CACNA1C: variants seen among roughly 807,000 people sequenced by gnomAD.
The protein encoded by CACNA1C is voltage-dependent L-type calcium channel subunit alpha-1C.
A neutral mutation model predicts 229.0 loss-of-function variants in CACNA1C; 30 were observed. That is an observed-to-expected ratio of 0.13 (90% CI 0.10 to 0.18). CACNA1C has a LOEUF of 0.18. Among genes scored for constraint, CACNA1C ranks in the 10% least tolerant of loss-of-function variants. The pLI is 1.00. For synonymous variants in CACNA1C, 1,114 were observed against 1,132.5 expected, an observed-to-expected ratio of 0.98 and a Z score of 0.33; for missense variants, 1,658 against 2,845.0, an observed-to-expected ratio of 0.58 and a Z score of 9.49.
chr12:2,547,548 T>A (rs1477323606), intron 9 of CACNA1C: 1 of 779,178 alleles, frequency 1.3e-6, no homozygotes, highest in Non-Finnish European at 2.4e-6. Flanking sequence ...GTGCTCTGTG[T>A]GTGTAAATGC....
chr12:2,691,057 G>A lies in CACNA1C; in HGVS notation c.6275G>A (p.Gly2092Asp), dbSNP rs755430543. 3.0e-5 allele frequency: 48 copies of A among 1,607,452 alleles called. No individual in the cohort carries two copies. Among genetic ancestry groups the A allele is most frequent in the Non-Finnish European group, 2.5e-6 (3 of 1,177,268 alleles). Reference protein sequence around the residue: ...LSGGAPQSPNGALLPFVNCRD... With the variant: ...LSGGAPQSPNDALLPFVNCRD... ...GGGGGCGCCCCACAGAGCCCCAATG[G>A]CGCCCTCTTACCCTTTGTGAACTGC... The change falls in exon 47 of 47, where the codon GGC becomes GAC. Residue 2092 changes from glycine (G) to aspartate (D), a missense_variant. Coordinates refer to ENST00000399655, the MANE Select transcript of CACNA1C (RefSeq NM_000719.7).
Position 2,474,032 on chromosome 12 carries a change from G to A in CACNA1C, c.758-12072G>A, listed in dbSNP as rs546290048. Among the ~76,000 whole-genome samples, 185 of 28,740 alleles carry A rather than the reference G, an allele frequency of 6.4e-3. No individual in the cohort carries two copies. The South Asian group carries it at 0.1, about 15-fold the overall frequency. 18.9% of individuals were successfully genotyped at this position (28,740 alleles called of 152,430 possible). On this transcript the variant is annotated intron_variant, in intron 5 of 46. Transcript: ENST00000399655. ...AGAAAGCTGTTGCCTGGGTATAATG[G>A]TATTTGCCAGAAAAAAAATCATTAG...
chr12:2,095,598 A>G (rs78003627), intron 1 of CACNA1C, among the ~76,000 whole-genome samples: 197 of 152,328 alleles, frequency 1.3e-3, no homozygotes, highest in African/African-American at 4.4e-3. Context: ...CAGGCCATCC[A>G]GTGTTTCGCC....
At chr12:2,370,166 T>A (rs1420559778) in intron 3 of CACNA1C, among the ~76,000 whole-genome samples, 1 of 152,164 alleles carries the variant, frequency 6.6e-6, no homozygotes, top group Non-Finnish European at 1.5e-5. Context: ...TAAAAGAAGA[T>A]GCTATTTTTC....
intron 3 of CACNA1C, among the ~76,000 whole-genome samples, chr12:2,368,645 G>A (rs966667027): frequency 1.2e-4 from 19 of 152,240 alleles, no homozygotes; most frequent in East Asian, 3.9e-4. Context: ...AAAGCATGTC[G>A]TATTTCTATA....
At chr12:2,419,795 C>T (rs955651290) in intron 3 of CACNA1C, among the ~76,000 whole-genome samples, 3 of 152,134 alleles carry the variant, frequency 2.0e-5, no homozygotes, top group African/African-American at 7.2e-5. Flanking sequence ...GTGGCCTCTC[C>T]CCCTAAGAGA....
intron 38 of CACNA1C, among the ~76,000 whole-genome samples, chr12:2,672,678 T>C (rs1304105528): frequency 1.3e-5 from 2 of 152,196 alleles, no homozygotes; most frequent in African/African-American, 4.8e-5. Flanking sequence ...CCAGCCACAT[T>C]GGACTTAGGG....
At chr12:2,545,972 G>T (rs1277629747) in intron 9 of CACNA1C, among the ~76,000 whole-genome samples, 3 of 152,230 alleles carry the variant, frequency 2.0e-5, no homozygotes, top group African/African-American at 7.2e-5. Flanking sequence ...TGCAGTGGCT[G>T]GTGTCTTCAC....
rs538713276 is a variant in CACNA1C at position 2,154,693 on chromosome 12, C to T, written c.477+34263C>T. On this transcript the variant is annotated intron_variant, in intron 3 of 46. Transcript: ENST00000399655. ...AATGGGGAGAAACTGAAGCCTAGAA[C>T]GCCCCCCTCTCTGATGACTGCTGCC... 5.3e-4 allele frequency among the ~76,000 whole-genome samples: 81 copies of T among 152,296 alleles called. No individual in the cohort carries two copies. In the South Asian group the frequency reaches 0.013, roughly 25 times the overall value.
chr12:2,495,326 C>T (rs1310796133), intron 7 of CACNA1C, among the ~76,000 whole-genome samples: 1 of 152,228 alleles, frequency 6.6e-6, no homozygotes, highest in East Asian at 1.9e-4. Context: ...CAGTTTCTGC[C>T]TACAGGCCAC....
In CACNA1C at chr12:2,677,025, AAATG is replaced by A. The variant is rs978487064; in HGVS notation, c.4829-62_4829-59del. ...AAAAAGTTTTGGATGCTGAAAAAAA[AAATG>A]AATGAAGTTCAACTGAATTCCCCTG... is the stretch of plus-strand genomic sequence containing the variant. On this transcript the variant is annotated intron_variant, in intron 39 of 46. Transcript: ENST00000399655. This position sits in a 1 kb window ranked among gnomAD's most constrained non-coding sequence, Gnocchi z 7.4. The A allele has an allele frequency of 6.5e-6, 9 of 1,377,730 alleles. No homozygotes were observed. The highest frequency in any genetic ancestry group is 4.3e-5 in the African/African-American group (3 of 69,134). 85.3% of individuals were successfully genotyped at this position (1,377,730 alleles called of 1,614,324 possible).
upstream of CACNA1C, chr12:2,052,935 C>T (rs1476383768): frequency 1.0e-6 from 1 of 968,254 alleles, no homozygotes; most frequent in Non-Finnish European, 1.2e-6. Flanking sequence ...CGGGCGCGGG[C>T]GCGGCGGGGC....
intron 4 of CACNA1C, among the ~76,000 whole-genome samples, chr12:2,452,547 T>G (rs1161033794): frequency 1.7e-4 from 26 of 152,150 alleles, no homozygotes; most frequent in Admixed American, 1.7e-3. Context: ...GAGCAGTCCT[T>G]CGGCCAGGCG....
At chr12:2,366,972 A>T (rs6489369) in intron 3 of CACNA1C, among the ~76,000 whole-genome samples, 45,488 of 152,080 alleles carry the variant, frequency 0.3, 7,584 homozygotes, top group Non-Finnish European at 0.38. Context: ...TGTCATGAGA[A>T]CAGTAAGGGG....
intron 3 of CACNA1C, among the ~76,000 whole-genome samples, chr12:2,323,077 C>A (rs1277335974): frequency 6.6e-6 from 1 of 152,178 alleles, no homozygotes; most frequent in African/African-American, 2.4e-5. Context: ...GCCCTATGCT[C>A]TTTCCCCATC....
Position 2,597,509 on chromosome 12 carries a change from G to A in CACNA1C, c.2853+220G>A. On this transcript the variant is annotated intron_variant, in intron 21 of 46. Transcript: ENST00000399655. This position sits in a 1 kb window ranked among gnomAD's most constrained non-coding sequence, Gnocchi z 4.3. ...AATTATCCTTAAGGTAATGCAACCT[G>A]GGCAATGCATCCTCTGTCGCTTTCT... 6.6e-7 allele frequency: 1 copy of A among 1,517,048 alleles called. No homozygotes were observed. Among genetic ancestry groups the A allele is most frequent in the Non-Finnish European group, 9.2e-7 (1 of 1,091,612 alleles). 94.0% of individuals were successfully genotyped at this position (1,517,048 alleles called of 1,614,324 possible). A position where few individuals can be genotyped will look rare whatever the true frequency, so the allele number is the denominator to read the frequency against.
At chr12:2,606,447 G>A (rs1283439538) in intron 24 of CACNA1C, among the ~76,000 whole-genome samples, 164 bp from the exon 25 acceptor site, 5 of 151,924 alleles carry the variant, frequency 3.3e-5, no homozygotes, top group African/African-American at 9.7e-5. Flanking sequence ...GTCTGTATTC[G>A]CCACCGTTCT....
chr12:2,625,195 A>G (rs2085654750), intron 29 of CACNA1C, among the ~76,000 whole-genome samples: 1 of 152,156 alleles, frequency 6.6e-6, no homozygotes, highest in Non-Finnish European at 1.5e-5. Flanking sequence ...AAAAGTCACT[A>G]TGAAGCATAA....
chr12:2,397,088 C>A (rs1301196326), intron 3 of CACNA1C, among the ~76,000 whole-genome samples: 1 of 152,226 alleles, frequency 6.6e-6, no homozygotes, highest in East Asian at 1.9e-4. Flanking sequence ...GACATCCATG[C>A]ACATATGTAC....
Sources: allele counts gnomAD v4.1 joint callset (sites outside exome capture counted in the v4.1 genomes callset), GRCh38; gene constraint gnomAD v4.1.1; non-coding constraint Gnocchi (gnomAD v3.1); transcripts MANE v1.5; gene names NCBI Gene and HGNC (gene_info 2026-07-23, HGNC 2026-07-21).